The following SGCG variants were observed in gnomAD, a reference collection of about 807,000 sequenced individuals.
SGCG encodes gamma-sarcoglycan.
SGCG carries 26 observed loss-of-function variants against 29.3 expected under a neutral mutation model. That is an observed-to-expected ratio of 0.89 (90% confidence interval 0.65 to 1.23). The LOEUF (loss-of-function observed/expected upper bound fraction) is 1.23. Among genes scored for constraint, SGCG ranks in the 50% most tolerant of loss-of-function variants. SGCG has a pLI of 0.00. For missense variants in SGCG, 353 were observed against 356.0 expected (o/e 0.99, Z 0.07); for synonymous variants, 145 against 129.7 (o/e 1.12, Z -0.80).
the SGCG span, among the ~76,000 whole-genome samples, chr13:23,172,145 G>A: frequency 2.6e-5 from 4 of 152,134 alleles, no homozygotes; most frequent in Non-Finnish European, 4.4e-5. Context: ...TTGCAATTGC[G>A]ATATTGCGTG....
intron 2 of SGCG, among the ~76,000 whole-genome samples, chr13:23,217,953 A>T (rs1878495844): frequency 6.6e-6 from 1 of 152,180 alleles, no homozygotes; most frequent in Non-Finnish European, 1.5e-5. Context: ...GCAGCCAAGA[A>T]CATACTACCA....
At chr13:23,288,045 G>C (rs184887355) in intron 5 of SGCG, among the ~76,000 whole-genome samples, 31 of 152,248 alleles carry the variant, frequency 2.0e-4, no homozygotes, top group African/African-American at 6.5e-4. Flanking sequence ...GAGCCACTGC[G>C]CCCAGCCAAT....
In SGCG at chr13:23,272,827, A is replaced by G. The variant is rs146421929; in HGVS notation, c.386-6532A>G. The stretch of plus-strand genomic sequence containing the variant: ...TGATCAAACTTTCTCATTTAATGAG[A>G]TCAATTTTAGCAATCACTATTTCCC... On this transcript the variant is annotated intron_variant, in intron 4 of 7. Coordinates refer to ENST00000218867, the MANE Select transcript of SGCG (RefSeq NM_000231.3). 3.9e-3 allele frequency among the ~76,000 whole-genome samples: 587 copies of G among 152,292 alleles called. 4 individuals carry two copies. Among genetic ancestry groups the G allele is most frequent in the African/African-American group, 0.013 (551 of 41,554 alleles).
intron 6 of SGCG, among the ~76,000 whole-genome samples, chr13:23,310,078 CTTTTTT>C (rs144258130): frequency 5.6e-4 from 34 of 60,768 alleles, no homozygotes; most frequent in African/African-American, 2.0e-3. Flanking sequence ...TTGTTTTTCT[CTTTTTT>C]TTTTTTTTTT....
chr13:23,299,869 G>C (rs1882085647), intron 6 of SGCG, among the ~76,000 whole-genome samples: 1 of 152,098 alleles, frequency 6.6e-6, no homozygotes, highest in South Asian at 2.1e-4. Context: ...TAAAAAGTCA[G>C]CAAAAGTGTA....
intron 1 of SGCG, among the ~76,000 whole-genome samples, chr13:23,184,206 A>G (rs1281483809): frequency 6.6e-6 from 1 of 152,246 alleles, no homozygotes; most frequent in East Asian, 1.9e-4. Flanking sequence ...CGTTTGATAA[A>G]AAACTTAAGT....
chr13:23,294,387 T>C (rs1301020786), intron 5 of SGCG, among the ~76,000 whole-genome samples: 3 of 152,232 alleles, frequency 2.0e-5, no homozygotes, highest in Non-Finnish European at 2.9e-5. Context: ...TTCCAGTGAA[T>C]TGGATTATTT....
chr13:23,312,929 GA>G (rs1229886676), intron 6 of SGCG, among the ~76,000 whole-genome samples: 1 of 152,074 alleles, frequency 6.6e-6, no homozygotes, highest in African/African-American at 2.4e-5. Context: ...ACATGTATTA[GA>G]TTTCAAGTTT....
intron 5 of SGCG, among the ~76,000 whole-genome samples, chr13:23,291,633 C>G (rs1227147532): frequency 6.6e-6 from 1 of 152,120 alleles, no homozygotes; most frequent in Admixed American, 6.5e-5. Flanking sequence ...TAATACATAT[C>G]AGTTTATAGA....
intron 6 of SGCG, among the ~76,000 whole-genome samples, chr13:23,308,821 C>T (rs1209007110): frequency 6.6e-6 from 1 of 152,186 alleles, no homozygotes; most frequent in Non-Finnish European, 1.5e-5. Context: ...ACGTTGGCCT[C>T]CCAGAGTGCT....
chr13:23,310,830 A>C (rs957937823), intron 6 of SGCG, among the ~76,000 whole-genome samples: 1 of 152,260 alleles, frequency 6.6e-6, no homozygotes, highest in Middle Eastern at 3.4e-3. Context: ...GTCTACATCA[A>C]TACCACCTTC....
chr13:23,311,017 C>G (rs1055131841), intron 6 of SGCG, among the ~76,000 whole-genome samples: 1 of 152,132 alleles, frequency 6.6e-6, no homozygotes, highest in African/African-American at 2.4e-5. Flanking sequence ...ACATTCTTTT[C>G]TTCTTATTTA....
the SGCG span, among the ~76,000 whole-genome samples, chr13:23,166,911 A>G: frequency 6.6e-6 from 1 of 152,230 alleles, no homozygotes; most frequent in Non-Finnish European, 1.5e-5. Context: ...TTGTGTTACA[A>G]ACAATCCAAT....
intron 1 of SGCG, among the ~76,000 whole-genome samples, chr13:23,192,822 G>A (rs1285111537): frequency 6.6e-6 from 1 of 152,198 alleles, no homozygotes; most frequent in Non-Finnish European, 1.5e-5. Flanking sequence ...ATACATTGTG[G>A]ATGAGGATAT....
At chr13:23,317,792 A>G (rs1454255780) in intron 6 of SGCG, among the ~76,000 whole-genome samples, 3 of 152,052 alleles carry the variant, frequency 2.0e-5, no homozygotes, top group Non-Finnish European at 4.4e-5. Flanking sequence ...GGAGATGTGT[A>G]TGGGTTCAAG....
chr13:23,267,087 T>C (rs1224161862), intron 4 of SGCG, among the ~76,000 whole-genome samples: 1 of 152,250 alleles, frequency 6.6e-6, no homozygotes, highest in Non-Finnish European at 1.5e-5. Flanking sequence ...TGGTTACTGT[T>C]GTTCACTTTC....
At chr13:23,264,065 C>A (rs1026788346) in intron 4 of SGCG, among the ~76,000 whole-genome samples, 1 of 151,994 alleles carries the variant, frequency 6.6e-6, no homozygotes, top group Non-Finnish European at 1.5e-5. Context: ...CAACATCGTA[C>A]TGAAAGTGCT....
intron 4 of SGCG, among the ~76,000 whole-genome samples, chr13:23,260,142 G>A (rs1456076913): frequency 6.6e-6 from 1 of 151,996 alleles, no homozygotes. Context: ...TTGACAGTGG[G>A]GTGTTAAAGT....
chr13:23,245,408 C>T (rs1377708386), intron 3 of SGCG: 1 of 152,122 alleles, frequency 6.6e-6, no homozygotes. Context: ...TGAGGGTTCT[C>T]CAGGAGATCC....
Sources: gnomAD v4.1 joint callset for allele counts (sites outside exome capture counted in the v4.1 genomes callset) on GRCh38, gnomAD v4.1.1 for gene constraint, MANE v1.5 for transcripts, NCBI Gene and HGNC (gene_info 2026-07-23, HGNC 2026-07-21) for gene names.